The following EML6 variants were observed in gnomAD, a reference collection of about 807,000 sequenced individuals.
EML6 encodes EMAP like 6.
Under a neutral mutation model 240.1 loss-of-function variants are expected in EML6, and 154 were observed. The observed-to-expected ratio is 0.64, with a 90% confidence interval of 0.56 to 0.73. The LOEUF is 0.73. Ranked by LOEUF, EML6 falls within the 30% of genes least tolerant of loss-of-function variation. EML6 has a pLI of 0.00. For missense variants in EML6, 2,964 were observed against 2,474.6 expected (o/e 1.20, Z -4.20); for synonymous variants, 1,148 against 899.0 (o/e 1.28, Z -4.95).
chr2:54,870,615 T>C (rs1199874784), intron 15 of EML6, among the ~76,000 whole-genome samples: 1 of 152,258 alleles, frequency 6.6e-6, no homozygotes, highest in Non-Finnish European at 1.5e-5. Flanking sequence ...CCCTTATTTT[T>C]TGTCTGTCTT....
chr2:54,771,761 C>T (rs1258931400), intron 2 of EML6, among the ~76,000 whole-genome samples: 1 of 152,222 alleles, frequency 6.6e-6, no homozygotes, highest in Non-Finnish European at 1.5e-5. Flanking sequence ...TTCTTTGAGG[C>T]ATAAAATGAT....
chr2:54,967,992 C>A lies in EML6; in HGVS notation c.5598-136C>A, dbSNP rs556215555. On this transcript the variant is annotated intron_variant, in intron 39 of 41. Coordinates refer to ENST00000356458, the MANE Select transcript of EML6 (RefSeq NM_001039753.4). ...TTCCTAACAGGCCATGGACCAGTAC[C>A]GTTCCGTGGCCTGGCTGTTGGGGAC... The A allele has an allele frequency of 1.3e-5, 10 of 790,778 alleles. No homozygotes were observed. The African/African-American group carries it at 1.5e-4, about 12-fold the overall frequency. 49.0% of individuals were successfully genotyped at this position (790,778 alleles called of 1,614,324 possible). A position where few individuals can be genotyped will look rare whatever the true frequency, so the allele number is the denominator to read the frequency against.
At position 54,827,618 on chromosome 2, in the gene EML6, A is replaced by C; in HGVS notation, c.578A>C (p.Lys193Thr). 1 of 1,551,710 alleles carries C rather than the reference A, an allele frequency of 6.4e-7. No homozygotes were observed. Among genetic ancestry groups the C allele is most frequent in the South Asian group, 1.2e-5 (1 of 84,054 alleles). The part of the protein sequence containing the change: ...ALTAKRGIFG[K>T]TGDLQTILCL... ...ACTGCAAAAAGAGGGATATTTGGCA[A>C]AACAGGGGATCTTCAGACCATCCTT... Residue 193 changes from lysine (K) to threonine (T), a missense_variant, in exon 6 of 42, where the codon AAA becomes ACA. Transcript: ENST00000356458.
chr2:54,829,974 C>A (rs1330803126), intron 7 of EML6, among the ~76,000 whole-genome samples: 1 of 152,134 alleles, frequency 6.6e-6, no homozygotes, highest in Non-Finnish European at 1.5e-5. Context: ...AATTTCGGGG[C>A]ATCTGTTTCC....
At chr2:54,760,710 A>G (rs181358984) in intron 2 of EML6, among the ~76,000 whole-genome samples, 242 of 152,278 alleles carry the variant, frequency 1.6e-3, no homozygotes, top group African/African-American at 5.7e-3. Context: ...CCTTATACAA[A>G]CAAACCTTGA....
At chr2:54,790,441 A>G (rs1047353768) in intron 2 of EML6, among the ~76,000 whole-genome samples, 1 of 152,216 alleles carries the variant, frequency 6.6e-6, no homozygotes, top group African/African-American at 2.4e-5. Context: ...TAAGTTTACA[A>G]CTAGTGGGAA....
chr2:54,872,782 T>C (rs570180273), intron 16 of EML6, among the ~76,000 whole-genome samples: 7 of 152,346 alleles, frequency 4.6e-5, no homozygotes, highest in Admixed American at 2.6e-4. Flanking sequence ...ATGTGTCTTT[T>C]CAAGTCCTCC....
chr2:54,957,708 G>A (rs1676295967), intron 32 of EML6, 82 bp from the exon 33 acceptor site: 5 of 1,268,076 alleles, frequency 3.9e-6, no homozygotes, highest in South Asian at 2.6e-5. Flanking sequence ...GCCTGCTGGG[G>A]TGGAGACCTC....
chr2:54,880,613 G>A (rs1671762495), intron 17 of EML6: 1 of 152,156 alleles, frequency 6.6e-6, no homozygotes, highest in South Asian at 2.1e-4. Context: ...CTGCTGTTGA[G>A]ATTGAATTCT....
chr2:54,923,977 C>T (rs992438524), intron 26 of EML6, among the ~76,000 whole-genome samples: 1 of 152,198 alleles, frequency 6.6e-6, no homozygotes, highest in South Asian at 2.1e-4. Context: ...ATTTTCATAG[C>T]TGAGTAGAAT....
At chr2:54,818,823 A>G (rs1668195771) in intron 4 of EML6, among the ~76,000 whole-genome samples, 1 of 152,122 alleles carries the variant, frequency 6.6e-6, no homozygotes, top group Non-Finnish European at 1.5e-5. Context: ...AGACCCCATA[A>G]TCTGTGTCAC....
chr2:54,896,310 G>A (rs1672765115), intron 21 of EML6, among the ~76,000 whole-genome samples: 1 of 152,204 alleles, frequency 6.6e-6, no homozygotes, highest in African/African-American at 2.4e-5. Flanking sequence ...CATGCCAGAT[G>A]CACCTGTGCC....
In EML6 at chr2:54,910,938, C is replaced by T. The variant is rs536626234; in HGVS notation, c.3410-16C>T. The T allele has an allele frequency of 2.9e-5, 41 of 1,402,616 alleles. No individual in the cohort carries two copies. Among genetic ancestry groups the T allele is most frequent in the South Asian group, 1.2e-4 (9 of 77,876 alleles). 86.9% of individuals were successfully genotyped at this position (1,402,616 alleles called of 1,614,324 possible). On this transcript the variant is annotated splice_polypyrimidine_tract_variant and intron_variant, in intron 24 of 41. Transcript: ENST00000356458. ...TCAGATTTTAATTATCTCTCTACTT[C>T]GTTCTGTCGTAACAGGAAAATTATT...
intron 11 of EML6, among the ~76,000 whole-genome samples, chr2:54,855,897 G>A (rs1388829026): frequency 6.6e-6 from 1 of 152,178 alleles, no homozygotes; most frequent in Non-Finnish European, 1.5e-5. Flanking sequence ...TAATTTAGGT[G>A]ACAAGGTACA....
chr2:54,893,145 A>G (rs778999376), intron 19 of EML6, among the ~76,000 whole-genome samples: 3 of 152,216 alleles, frequency 2.0e-5, no homozygotes, highest in Non-Finnish European at 4.4e-5. Flanking sequence ...AAGGCTGTTC[A>G]TTGGCCATAT....
At chr2:54,853,351 T>C (rs562291736) in intron 10 of EML6, among the ~76,000 whole-genome samples, 2 of 152,170 alleles carry the variant, frequency 1.3e-5, no homozygotes, top group Non-Finnish European at 2.9e-5. Flanking sequence ...TTCATGTGTT[T>C]ATTGGGTACA....
intron 2 of EML6, among the ~76,000 whole-genome samples, chr2:54,744,454 A>T (rs1683807786): frequency 6.6e-6 from 1 of 152,152 alleles, no homozygotes; most frequent in Non-Finnish European, 1.5e-5. Context: ...GCTTTGAAAG[A>T]TGTTAGTGAC....
chr2:54,845,187 C>G (rs536551671), intron 8 of EML6, among the ~76,000 whole-genome samples: 4 of 152,158 alleles, frequency 2.6e-5, no homozygotes, highest in African/African-American at 4.8e-5. Flanking sequence ...CTACCAAGCA[C>G]GAAAACCTCA....
In EML6 at chr2:54,948,625, A is replaced by C. The variant is rs535054768; in HGVS notation, c.4005-257A>C. On this transcript the variant is annotated intron_variant, in intron 28 of 41. Coordinates refer to ENST00000356458, the MANE Select transcript of EML6 (RefSeq NM_001039753.4). ...TCCCCCTGCTCCCAGGAGAAGGTTA[A>C]GCAGAGGGAGGAGGGCTGACCCTGA... 3.3e-5 allele frequency among the ~76,000 whole-genome samples: 5 copies of C among 152,284 alleles called. No homozygotes were observed. In the South Asian group the frequency reaches 6.2e-4, roughly 19 times the overall value.
Sources: gnomAD v4.1 joint callset for allele counts (sites outside exome capture counted in the v4.1 genomes callset) on GRCh38, gnomAD v4.1.1 for gene constraint, MANE v1.5 for transcripts, NCBI Gene and HGNC (gene_info 2026-07-23, HGNC 2026-07-21) for gene names.